The following TMTC1 variants were observed in gnomAD, a reference collection of about 807,000 sequenced individuals.
The protein encoded by TMTC1 is protein O-mannosyl-transferase TMTC1.
TMTC1 carries 73 observed loss-of-function variants against 104.8 expected under a neutral mutation model. The ratio of observed to expected loss-of-function variants is 0.70; its 90% CI spans 0.58 to 0.85. The LOEUF is 0.85. TMTC1 is among the 40% of genes least tolerant of loss of function. The pLI is 0.00. For missense variants in TMTC1, 1,035 were observed against 1,096.1 expected (o/e 0.94, Z 0.79); for synonymous variants, 434 against 428.7 (o/e 1.01, Z -0.15).
intron 8 of TMTC1, among the ~76,000 whole-genome samples, chr12:29,574,787 T>C (rs534152608): frequency 6.6e-6 from 1 of 152,338 alleles, no homozygotes; most frequent in East Asian, 1.9e-4. Context: ...TCACAGGCCC[T>C]ATATCCAGAT....
chr12:29,573,117 C>CG (rs1555171030), intron 8 of TMTC1, among the ~76,000 whole-genome samples: 6 of 152,044 alleles, frequency 3.9e-5, no homozygotes, highest in Non-Finnish European at 1.5e-5. Flanking sequence ...GCACAGTACT[C>CG]GGGGGTGCTG....
At chr12:29,661,033 C>T (rs760055518) in intron 5 of TMTC1, 6 of 372,800 alleles carry the variant, frequency 1.6e-5, no homozygotes, top group East Asian at 4.9e-5. Flanking sequence ...CCTGGGTTTC[C>T]GTTCCCAGTT....
intron 5 of TMTC1, among the ~76,000 whole-genome samples, chr12:29,675,216 C>T (rs987316197): frequency 6.6e-6 from 1 of 152,196 alleles, no homozygotes; most frequent in Non-Finnish European, 1.5e-5. Flanking sequence ...TTACAAACCC[C>T]ACAAACATCA....
intron 13 of TMTC1, 83 bp from the exon 14 acceptor site, chr12:29,517,654 G>A: frequency 6.5e-7 from 1 of 1,530,206 alleles, no homozygotes; most frequent in Non-Finnish European, 9.0e-7. Flanking sequence ...AGGGAAGACG[G>A]TCCATGGTTT....
chr12:29,546,782 T>TGA (rs2136230304), intron 10 of TMTC1, among the ~76,000 whole-genome samples: 1 of 152,310 alleles, frequency 6.6e-6, no homozygotes, highest in East Asian at 1.9e-4. Flanking sequence ...CTCGGGAGGC[T>TGA]GAGGCAGGAG....
chr12:29,752,760 T>C (rs758242218), intron 4 of TMTC1, among the ~76,000 whole-genome samples: 5 of 151,978 alleles, frequency 3.3e-5, no homozygotes, highest in Non-Finnish European at 7.4e-5. Flanking sequence ...TATGTAAAGT[T>C]TGAAAGTATG....
chr12:29,669,037 G>A (rs1221260050), intron 5 of TMTC1, among the ~76,000 whole-genome samples: 1 of 152,206 alleles, frequency 6.6e-6, no homozygotes, highest in Non-Finnish European at 1.5e-5. Context: ...TCACTGTGTG[G>A]TGAGATGGCC....
intron 5 of TMTC1, among the ~76,000 whole-genome samples, chr12:29,634,276 A>T (rs535545213): frequency 5.6e-4 from 85 of 152,330 alleles, no homozygotes; most frequent in African/African-American, 2.0e-3. Flanking sequence ...ACACAGAAGC[A>T]TCTCCCTCAA....
chr12:29,755,972 C>A, intron 3 of TMTC1, 87 bp from the exon 4 acceptor site: 2 of 1,314,266 alleles, frequency 1.5e-6, no homozygotes, highest in South Asian at 1.5e-5. Flanking sequence ...GATCTAATGT[C>A]AATTTCATTG....
chr12:29,556,933 T>G lies in TMTC1; in HGVS notation c.1600A>C (p.Lys534Gln). 2 of 1,614,160 alleles carry G rather than the reference T, an allele frequency of 1.2e-6. No homozygotes were observed. Among genetic ancestry groups the G allele is most frequent in the Non-Finnish European group, 1.7e-6 (2 of 1,180,004 alleles). ...GTLTRDTAEA[K>Q]MYYQRALQLH... ...TGGAGAGCCCTCTGATAGTACATCT[T>G]TGCCTCTGCTGTGTCTCTCGTCAGT... is the stretch of plus-strand genomic sequence containing the variant. The change falls in exon 10 of 18, where the codon AAG becomes CAG. Residue 534 changes from lysine (K) to glutamine (Q), a missense_variant. Lys to Gln is a moderately conservative substitution (Grantham distance 53). Coordinates refer to ENST00000539277, the MANE Select transcript of TMTC1 (RefSeq NM_001193451.2).
At chr12:29,629,847 A>G (rs1227940546) in intron 6 of TMTC1, among the ~76,000 whole-genome samples, 2 of 152,212 alleles carry the variant, frequency 1.3e-5, no homozygotes, top group Admixed American at 1.3e-4. Context: ...AATTTTAAAA[A>G]GATGTTTTAA....
chr12:29,575,887 C>A (rs144950381), intron 8 of TMTC1, among the ~76,000 whole-genome samples: 5 of 152,314 alleles, frequency 3.3e-5, no homozygotes, highest in Admixed American at 6.5e-5. Flanking sequence ...TCCCTTTTCT[C>A]CACATCCACT....
intron 10 of TMTC1, among the ~76,000 whole-genome samples, chr12:29,556,033 A>G (rs1945235246): frequency 6.7e-6 from 1 of 149,160 alleles, no homozygotes; most frequent in African/African-American, 2.6e-5. Context: ...TTAAATTTCC[A>G]TTTCTGATAT....
At chr12:29,713,561 T>A (rs1941997248) in intron 5 of TMTC1, among the ~76,000 whole-genome samples, 2 of 152,044 alleles carry the variant, frequency 1.3e-5, no homozygotes, top group African/African-American at 4.8e-5. Context: ...ATTCTGAAAA[T>A]CCTATTTGCT....
intron 4 of TMTC1, among the ~76,000 whole-genome samples, chr12:29,754,705 C>T (rs996024818): frequency 1.3e-5 from 2 of 152,276 alleles, no homozygotes; most frequent in Non-Finnish European, 1.5e-5. Flanking sequence ...GATTATTTGG[C>T]TCCAAGTTTT....
rs2136151578 is a variant in TMTC1 at position 29,518,560 on chromosome 12, TA to T, written c.1935del (p.Ser646AlafsTer9). On this transcript the variant is annotated frameshift_variant, in exon 13 of 18. Coordinates refer to ENST00000539277, the MANE Select transcript of TMTC1 (RefSeq NM_001193451.2). LOFTEE classifies it high-confidence loss of function. ...AVAHYQQAIK[L>X]SPSHHVAMVN... Reference sequence around the variant, plus strand: ...ACCATGGCCACGTGATGACTGGGGCTAAGTTTGATGGCCTGCTGGTAATGGG... The same window carrying T: ...ACCATGGCCACGTGATGACTGGGGCTAGTTTGATGGCCTGCTGGTAATGGG... 1 of 1,614,166 alleles carries T rather than the reference TA, an allele frequency of 6.2e-7. No individual in the cohort carries two copies. Among genetic ancestry groups the T allele is most frequent in the Non-Finnish European group, 8.5e-7 (1 of 1,179,984 alleles).
At chr12:29,531,287 G>A (rs910036182) in intron 11 of TMTC1, among the ~76,000 whole-genome samples, 1 of 152,178 alleles carries the variant, frequency 6.6e-6, no homozygotes, top group Non-Finnish European at 1.5e-5. Context: ...CTCAAATATA[G>A]CATTTGTAGG....
At chr12:29,552,315 T>G (rs1243297148) in intron 10 of TMTC1, among the ~76,000 whole-genome samples, 1 of 152,232 alleles carries the variant, frequency 6.6e-6, no homozygotes, top group Non-Finnish European at 1.5e-5. Flanking sequence ...TATTTTCAAT[T>G]TCTCACATTA....
chr12:29,645,636 A>AT (rs1410101248), intron 5 of TMTC1, among the ~76,000 whole-genome samples: 3 of 152,132 alleles, frequency 2.0e-5, no homozygotes, highest in Admixed American at 6.5e-5. Flanking sequence ...TACTGGGTTC[A>AT]TTTTTTTGCC....
Sources: allele counts gnomAD v4.1 joint callset (sites outside exome capture counted in the v4.1 genomes callset), GRCh38; gene constraint gnomAD v4.1.1; transcripts MANE v1.5; gene names NCBI Gene and HGNC (gene_info 2026-07-23, HGNC 2026-07-21).